The following CRISPLD2 variants were observed in gnomAD, a reference collection of about 807,000 sequenced individuals.
CRISPLD2 encodes the protein cysteine-rich secretory protein LCCL domain-containing 2.
CRISPLD2 carries 47 observed loss-of-function variants against 71.1 expected under a neutral mutation model. The observed-to-expected ratio is 0.66, with a 90% CI of 0.52 to 0.84. CRISPLD2 has a LOEUF of 0.84. CRISPLD2 is among the 40% of genes least tolerant of loss of function. The pLI is 0.00. For missense variants in CRISPLD2, 830 were observed against 651.1 expected (o/e 1.27, Z -2.99); for synonymous variants, 317 against 250.1 (o/e 1.27, Z -2.52).
rs186226489 is a variant in CRISPLD2 at position 84,906,654 on chromosome 16, C to G, written c.*12C>G. On this transcript the variant is annotated 3_prime_UTR_variant, in exon 15 of 15. Coordinates refer to ENST00000262424, the MANE Select transcript of CRISPLD2 (RefSeq NM_031476.4). ...CTGTCAGGCAGTGAATTTCCAGCACCAGGGGAGAAGGGGCGTCTTCAGGAG... is the reference window on the plus strand; with the variant it reads ...CTGTCAGGCAGTGAATTTCCAGCACGAGGGGAGAAGGGGCGTCTTCAGGAG... 4.3e-6 allele frequency: 7 copies of G among 1,613,986 alleles called. No individual in the cohort carries two copies. Among genetic ancestry groups the G allele is most frequent in the African/African-American group, 1.3e-5 (1 of 74,922 alleles).
At chr16:84,868,244 C>G (rs1320121506) in intron 7 of CRISPLD2, among the ~76,000 whole-genome samples, 1 of 152,240 alleles carries the variant, frequency 6.6e-6, no homozygotes, top group African/African-American at 2.4e-5. Context: ...AGGCCCTTGT[C>G]TGTCCAGGAG....
At chr16:84,891,754 G>T (rs1434342993) in intron 14 of CRISPLD2, among the ~76,000 whole-genome samples, 2 of 152,142 alleles carry the variant, frequency 1.3e-5, no homozygotes, top group East Asian at 1.9e-4. Flanking sequence ...GGCCCCATTG[G>T]TAGGCCCCTG....
Position 84,838,662 on chromosome 16 carries a change from A to G in CRISPLD2, c.167A>G (p.Lys56Arg), listed in dbSNP as rs771152904. ...RVRRAIPREDKEEILMLHNKL... is the reference protein window; with the variant it reads ...RVRRAIPREDREEILMLHNKL... ...CGCAGAGCCATCCCCAGGGAGGACA[A>G]GGAGGAGATCCTCATGCTGCACAAC... The change falls in exon 2 of 15, where the codon AAG (lysine) becomes AGG (arginine). Residue 56 changes from lysine to arginine, a missense_variant. Transcript: ENST00000262424. 8 of 1,614,136 alleles carry G rather than the reference A, an allele frequency of 5.0e-6. No individual in the cohort carries two copies. The highest frequency in any genetic ancestry group is 6.8e-6 in the Non-Finnish European group (8 of 1,180,044).
chr16:84,832,383 C>G (rs1267997391), intron 1 of CRISPLD2, among the ~76,000 whole-genome samples: 1 of 152,274 alleles, frequency 6.6e-6, no homozygotes, highest in Non-Finnish European at 1.5e-5. Context: ...CCAGGTCTCT[C>G]TTCCCCGACA....
chr16:84,855,765 A>G (rs1917222486), intron 6 of CRISPLD2, among the ~76,000 whole-genome samples: 1 of 152,216 alleles, frequency 6.6e-6, no homozygotes, highest in South Asian at 2.1e-4. Context: ...AATAAAGACA[A>G]TAATAAGATC....
At chr16:84,863,829 A>G (rs900451079) in intron 6 of CRISPLD2, among the ~76,000 whole-genome samples, 8 of 151,940 alleles carry the variant, frequency 5.3e-5, no homozygotes, top group Non-Finnish European at 2.9e-5. Context: ...TTAGCCGGGC[A>G]TGGTGGCGCA....
intron 6 of CRISPLD2, among the ~76,000 whole-genome samples, chr16:84,862,730 G>A (rs1917419728): frequency 6.7e-6 from 1 of 148,194 alleles, no homozygotes; most frequent in African/African-American, 2.5e-5. Context: ...CATGACCGAG[G>A]GGCCTTGCAG....
intron 13 of CRISPLD2, among the ~76,000 whole-genome samples, chr16:84,882,658 G>A (rs570486654): frequency 6.6e-6 from 1 of 152,308 alleles, no homozygotes; most frequent in South Asian, 2.1e-4. Context: ...ACCCACCTTG[G>A]CTTCCCAAAG....
intron 4 of CRISPLD2, among the ~76,000 whole-genome samples, chr16:84,849,863 G>A (rs1226894852): frequency 6.7e-6 from 1 of 149,566 alleles, no homozygotes; most frequent in African/African-American, 2.5e-5. Flanking sequence ...GACTACAGTT[G>A]TGCACTACGA....
At chr16:84,870,824 C>G (rs1284987048) in intron 8 of CRISPLD2, among the ~76,000 whole-genome samples, 1 of 151,856 alleles carries the variant, frequency 6.6e-6, no homozygotes, top group African/African-American at 2.4e-5. Flanking sequence ...TTTGGGAGGC[C>G]GAGGCGGGTG....
chr16:84,889,368 G>A lies in CRISPLD2; in HGVS notation c.1439+5G>A. On this transcript the variant is annotated splice_donor_5th_base_variant and intron_variant, in intron 14 of 14. Transcript: ENST00000262424. ...GAATGGAGTTCAGTCTGAAAGGTAG[G>A]GTGGTGTTCTCCAACCCTTGACACC... 6.2e-7 allele frequency: 1 copy of A among 1,607,410 alleles called. No homozygotes were observed. The highest frequency in any genetic ancestry group is 8.5e-7 in the Non-Finnish European group (1 of 1,175,582).
intron 4 of CRISPLD2, 115 bp from the exon 5 acceptor site, chr16:84,850,453 C>T: frequency 1.3e-6 from 1 of 796,588 alleles, no homozygotes. Context: ...ATCTGCTTCC[C>T]CAACCCTTCA....
At chr16:84,868,219 C>G (rs139549568) in intron 7 of CRISPLD2, among the ~76,000 whole-genome samples, 1 of 152,354 alleles carries the variant, frequency 6.6e-6, no homozygotes, top group East Asian at 1.9e-4. Flanking sequence ...CTTGCTTTGA[C>G]CAGGAAACCT....
At chr16:84,903,551 C>T (rs1418320392) in intron 14 of CRISPLD2, among the ~76,000 whole-genome samples, 3 of 151,228 alleles carry the variant, frequency 2.0e-5, no homozygotes, top group Non-Finnish European at 2.9e-5. Context: ...GAGATCACAC[C>T]GTTGCACTCC....
chr16:84,834,480 A>G (rs959135299), intron 1 of CRISPLD2, among the ~76,000 whole-genome samples: 3 of 152,340 alleles, frequency 2.0e-5, no homozygotes, highest in African/African-American at 7.2e-5. Context: ...GCCTCGGCCA[A>G]TTGGTTTGTG....
chr16:84,885,861 C>T (rs1351836179), intron 13 of CRISPLD2, among the ~76,000 whole-genome samples: 1 of 134,316 alleles, frequency 7.4e-6, no homozygotes, highest in Non-Finnish European at 1.5e-5. Flanking sequence ...CTCTGTCACA[C>T]AGGCTGGAGT....
At chr16:84,897,663 C>A (rs1326673630) in intron 14 of CRISPLD2, among the ~76,000 whole-genome samples, 1 of 152,138 alleles carries the variant, frequency 6.6e-6, no homozygotes, top group Non-Finnish European at 1.5e-5. Context: ...TTTGCCCAGG[C>A]TGGAGTGCAG....
chr16:84,860,092 C>CTTCCTCT (rs75309741), intron 6 of CRISPLD2, among the ~76,000 whole-genome samples: 1 of 151,504 alleles, frequency 6.6e-6, no homozygotes, highest in South Asian at 2.1e-4. Context: ...CCTTTGGATC[C>CTTCCTCT]ACATTAAACC....
At chr16:84,870,070 G>A (rs972934617) in intron 8 of CRISPLD2, among the ~76,000 whole-genome samples, 56 of 152,198 alleles carry the variant, frequency 3.7e-4, no homozygotes, top group African/African-American at 1.3e-3. Flanking sequence ...TGTAGAAGCC[G>A]GCCCACAGTC....
Sources: allele counts gnomAD v4.1 joint callset (sites outside exome capture counted in the v4.1 genomes callset), GRCh38; gene constraint gnomAD v4.1.1; transcripts MANE v1.5; gene names NCBI Gene and HGNC (gene_info 2026-07-23, HGNC 2026-07-21).